The following NRBP1 variants were observed in gnomAD, a reference collection of about 807,000 sequenced individuals.
The protein encoded by NRBP1 is nuclear receptor binding protein 1.
Under a neutral mutation model 76.0 loss-of-function variants are expected in NRBP1, and 10 were observed. The ratio of observed to expected loss-of-function variants is 0.13; its 90% CI spans 0.08 to 0.22. The LOEUF (loss-of-function observed/expected upper bound fraction) is 0.22, where lower values mean the gene tolerates loss of function less well. Among genes scored for constraint, NRBP1 ranks in the 10% least tolerant of loss-of-function variants. The pLI is 1.00. For synonymous variants in NRBP1, 235 were observed against 240.2 expected (o/e 0.98, Z 0.20); for missense variants, 344 against 646.0 (o/e 0.53, Z 5.07).
At position 27,441,187 on chromosome 2, in the gene NRBP1, C is replaced by G. The variant is rs1664537906; in HGVS notation, c.1383+7C>G. 1 of 1,613,928 alleles carries G rather than the reference C, an allele frequency of 6.2e-7. No homozygotes were observed. The highest frequency in any genetic ancestry group is 1.3e-5 in the African/African-American group (1 of 74,880). ...GGAGGGAGTCAAACACCACGTAAGG[C>G]TCAGGGCTAGGGTTGCGCAGGGCTA... On this transcript the variant is annotated splice_region_variant and intron_variant, in intron 15 of 17. Coordinates refer to ENST00000379852, the MANE Select transcript of NRBP1 (RefSeq NM_013392.4).
rs1445361036 is a variant in NRBP1 at position 27,433,453 on chromosome 2, C to T, written c.180C>T (p.Pro60=). Residue 60 remains proline (P), a synonymous_variant, in exon 2 of 18, where the codon CCC becomes CCT. Coordinates refer to ENST00000379852, the MANE Select transcript of NRBP1 (RefSeq NM_013392.4). ...EDESEILEES[P]CGRWQKRREE... ...AGTCTGAGATTTTGGAAGAGTCGCC[C>T]TGTGGGCGCTGGCAGAAGAGGCGAG... 4 of 1,614,088 alleles carry T rather than the reference C, an allele frequency of 2.5e-6. No individual in the cohort carries two copies. The highest frequency in any genetic ancestry group is 2.2e-5 in the East Asian group (1 of 44,894).
Position 27,431,838 on chromosome 2 carries a change from C to G in NRBP1, c.-20-1416C>G, listed in dbSNP as rs1252560207. On this transcript the variant is annotated intron_variant, in intron 1 of 17. Transcript: ENST00000379852. The stretch of plus-strand genomic sequence containing the variant: ...CTGGAGTCATCTGTTCTGAATAGCG[C>G]CCACATAGTTTATATTTTTTTATTT... 3 of 152,198 alleles carry G rather than the reference C, an allele frequency of 2.0e-5. No homozygotes were observed. The East Asian group carries it at 5.8e-4, about 29-fold the overall frequency. 9.4% of individuals were successfully genotyped at this position (152,198 alleles called of 1,614,324 possible). A position where few individuals can be genotyped will look rare whatever the true frequency, so the allele number is the denominator to read the frequency against.
chr2:27,440,793 A>G lies in NRBP1; in HGVS notation c.1194-12A>G, dbSNP rs1664512374. The stretch of plus-strand genomic sequence containing the variant: ...CACAGAGCCCATGTGACCTGTCTTC[A>G]TCTCCCTCCAGGAATGGGATCTATC... On this transcript the variant is annotated splice_polypyrimidine_tract_variant and intron_variant, in intron 13 of 17. Coordinates refer to ENST00000379852, the MANE Select transcript of NRBP1 (RefSeq NM_013392.4). 2.5e-6 allele frequency: 4 copies of G among 1,613,994 alleles called. No homozygotes were observed. Among genetic ancestry groups the G allele is most frequent in the African/African-American group, 1.3e-5 (1 of 74,926 alleles).
chr2:27,438,016 G>C (rs1167298363), intron 10 of NRBP1, among the ~76,000 whole-genome samples: 1 of 151,728 alleles, frequency 6.6e-6, no homozygotes, highest in Non-Finnish European at 1.5e-5. Context: ...GTGAAACCCT[G>C]TCTCTACTAA....
chr2:27,430,506 TCA>T (rs1664071900), intron 1 of NRBP1, among the ~76,000 whole-genome samples: 1 of 150,016 alleles, frequency 6.7e-6, no homozygotes, highest in Non-Finnish European at 1.5e-5. Context: ...TCTCACTCTG[TCA>T]CCCAGGCTGG....
In NRBP1 at chr2:27,433,284, G is replaced by T; in HGVS notation, c.11G>T (p.Gly4Val). 6.2e-7 allele frequency: 1 copy of T among 1,613,734 alleles called. No individual in the cohort carries two copies. Among genetic ancestry groups the T allele is most frequent in the Non-Finnish European group, 8.5e-7 (1 of 1,179,942 alleles). Residue 4 changes from glycine to valine, a missense_variant, in exon 2 of 18, where the codon GGG becomes GTG. Physicochemically the swap from Gly to Val is moderately radical, Grantham distance 109. Around this residue, in one of 3 missense-constraint regions of NRBP1, gnomAD observed 53 missense variants for 48.4 expected, o/e 1.09. Coordinates refer to ENST00000379852, the MANE Select transcript of NRBP1 (RefSeq NM_013392.4). ...AGTGTTCCTTCCAGCATGTCGGAGG[G>T]GGAGTCCCAGACAGTACTTAGCAGT... is the stretch of plus-strand genomic sequence containing the variant. The part of the protein sequence containing the change: MSE[G>V]ESQTVLSSGS...
rs1572687475 is a variant in NRBP1 at position 27,433,260 on chromosome 2, G to A, written c.-14G>A. On this transcript the variant is annotated 5_prime_UTR_variant, in exon 2 of 18. It adds an upstream start codon to the 5' untranslated region. Transcript: ENST00000379852. ...TTTGCCCCAACCAGTGCAGGCCTGAGTGTTCCTTCCAGCATGTCGGAGGGG... is the reference window on the plus strand; with the variant it reads ...TTTGCCCCAACCAGTGCAGGCCTGAATGTTCCTTCCAGCATGTCGGAGGGG... 1 of 1,610,676 alleles carries A rather than the reference G, an allele frequency of 6.2e-7. No homozygotes were observed. The highest frequency in any genetic ancestry group is 1.1e-5 in the South Asian group (1 of 91,000).
chr2:27,441,365 C>A, intron 16 of NRBP1, 35 bp downstream of exon 16: 3 of 1,575,032 alleles, frequency 1.9e-6, no homozygotes, highest in Non-Finnish European at 2.6e-6. Flanking sequence ...GATGGAGAGT[C>A]TATGAGCCTT....
At chr2:27,428,532 G>A (rs1663953666), upstream of NRBP1, 1 of 395,888 alleles carries the variant, frequency 2.5e-6, no homozygotes, top group Non-Finnish European at 4.5e-6. Context: ...CCCGAGGGCC[G>A]GGCCCCGCCC....
chr2:27,432,349 C>T (rs994987786), intron 1 of NRBP1, among the ~76,000 whole-genome samples: 1 of 152,264 alleles, frequency 6.6e-6, no homozygotes, highest in East Asian at 1.9e-4. Flanking sequence ...TAAGATAGCT[C>T]CCCTTTTCTA....
chr2:27,441,004 A>G, intron 14 of NRBP1, 64 bp downstream of exon 14: 1 of 1,610,926 alleles, frequency 6.2e-7, no homozygotes, highest in South Asian at 1.1e-5. Context: ...GGACATCTCA[A>G]ATAAGGCTCT....
In NRBP1 at chr2:27,440,959, T is replaced by C; in HGVS notation, c.1329+19T>C. 6.2e-7 allele frequency: 1 copy of C among 1,612,710 alleles called. No homozygotes were observed. Among genetic ancestry groups the C allele is most frequent in the Non-Finnish European group, 8.5e-7 (1 of 1,180,012 alleles). The stretch of plus-strand genomic sequence containing the variant: ...TCGCAAGGTGGGGGCTGTGTGGGTG[T>C]GGATTGTCTCCATGGTTGTGGTGGA... On this transcript the variant is annotated intron_variant, in intron 14 of 17. Coordinates refer to ENST00000379852, the MANE Select transcript of NRBP1 (RefSeq NM_013392.4).
In NRBP1 at chr2:27,437,349, C is replaced by G; in HGVS notation, c.892C>G (p.Pro298Ala). The G allele has an allele frequency of 6.2e-7, 1 of 1,612,580 alleles. No homozygotes were observed. Residue 298 changes from proline to alanine, a missense_variant, in exon 10 of 18, where the codon CCA (proline) becomes GCA (alanine). By Grantham distance (27) the Pro-to-Ala change is conservative (BLOSUM62 -1). Around this residue, in one of 3 missense-constraint regions of NRBP1, gnomAD observed 218 missense variants for 309.8 expected, o/e 0.70. Transcript: ENST00000379852. ...CAGTGCCATCCAGCTTCTAGAAGAC[C>G]CATTACAGAGGGTAAGGATCTTCAG... ...ISSAIQLLED[P>A]LQREFIQKCL... is the part of the protein sequence containing the mutation.
Position 27,434,048 on chromosome 2 carries a change from G to C in NRBP1, c.393G>C (p.Lys131Asn). The change falls in exon 4 of 18, where the codon AAG becomes AAC. Residue 131 changes from lysine (K) to asparagine (N), a missense_variant. Physicochemically the swap from Lys to Asn is moderately conservative, Grantham distance 94 (BLOSUM62 0). This residue lies in a region of NRBP1 where 73 missense variants were observed against 287.8 expected (regional missense o/e 0.25). Transcript: ENST00000379852. ...AATTGGAGCATCTTAACATTGTTAA[G>C]TTTCACAAATATTGGGCTGACATTA... ...LIQLEHLNIVKFHKYWADIKE... is the reference protein window; with the variant it reads ...LIQLEHLNIVNFHKYWADIKE... 19 of 1,614,160 alleles carry C rather than the reference G, an allele frequency of 1.2e-5. No homozygotes were observed. The highest frequency in any genetic ancestry group is 1.5e-5 in the Non-Finnish European group (18 of 1,180,014).
intron 7 of NRBP1, 83 bp downstream of exon 7, chr2:27,435,310 CAG>C (rs1307066341): frequency 1.3e-5 from 15 of 1,194,060 alleles, no homozygotes; most frequent in African/African-American, 7.6e-5. Flanking sequence ...TGGGGGATAA[CAG>C]AGCAAAATTC....
intron 4 of NRBP1, 63 bp downstream of exon 4, chr2:27,434,153 G>T: frequency 7.8e-7 from 1 of 1,280,786 alleles, no homozygotes. Flanking sequence ...ATTTATTATT[G>T]TTCCTTTTAC....
intron 7 of NRBP1, among the ~76,000 whole-genome samples, 194 bp downstream of exon 7, chr2:27,435,421 C>T (rs1205715953): frequency 1.3e-5 from 2 of 152,062 alleles, no homozygotes; most frequent in Non-Finnish European, 2.9e-5. Flanking sequence ...TATAATCTTA[C>T]ACCTTTTTGA....
intron 9 of NRBP1, 27 bp from the exon 10 acceptor site, chr2:27,437,235 T>C (rs1458774554): frequency 8.5e-7 from 1 of 1,181,568 alleles, no homozygotes. Context: ...AGGTGTCTAC[T>C]TTTTTTTTTA....
At chr2:27,439,991 GATTCTT>G in intron 11 of NRBP1, 93 bp downstream of exon 11, 1 of 356,804 alleles carries the variant, frequency 2.8e-6, no homozygotes, top group Non-Finnish European at 4.5e-6. Flanking sequence ...TTTCCAAAGG[GATTCTT>G]TTTTTTTTTT....
Sources: allele counts gnomAD v4.1 joint callset (sites outside exome capture counted in the v4.1 genomes callset), GRCh38; gene constraint gnomAD v4.1.1; regional missense constraint gnomAD v4.1.1; transcripts MANE v1.5; gene names NCBI Gene and HGNC (gene_info 2026-07-23, HGNC 2026-07-21).